Variants in HPSE2 observed in about 807,000 individuals in gnomAD.
HPSE2 encodes the protein heparanase 2 (inactive).
HPSE2 carries 38 observed loss-of-function variants against 60.5 expected under a neutral mutation model. The observed-to-expected ratio is 0.63, with a 90% CI of 0.48 to 0.82. The LOEUF is 0.82. Among genes scored for constraint, HPSE2 ranks in the 40% least tolerant of loss-of-function variants. The pLI is 0.00. For synonymous variants in HPSE2, 295 were observed against 293.2 expected, an observed-to-expected ratio of 1.01 and a Z score of -0.06; for missense variants, 713 against 740.4, an observed-to-expected ratio of 0.96 and a Z score of 0.43.
intron 7 of HPSE2, among the ~76,000 whole-genome samples, chr10:98,626,105 C>CAAAAAAA (rs577298322): frequency 2.7e-5 from 2 of 75,470 alleles, no homozygotes; most frequent in African/African-American, 1.1e-4. Context: ...GACTCCGTCT[C>CAAAAAAA]AAAAAAAAAA....
At chr10:98,896,227 G>A (rs796259800) in intron 3 of HPSE2, among the ~76,000 whole-genome samples, 6 of 151,974 alleles carry the variant, frequency 3.9e-5, no homozygotes, top group South Asian at 4.1e-4. Context: ...TCCAGGTGGC[G>A]AATTGCAAAG....
intron 3 of HPSE2, among the ~76,000 whole-genome samples, chr10:98,773,057 T>G (rs774715052): frequency 6.6e-6 from 1 of 152,160 alleles, no homozygotes; most frequent in Non-Finnish European, 1.5e-5. Flanking sequence ...TTTAAAAGCT[T>G]TCTTCCTATG....
chr10:99,035,098 TTCTC>T (rs1957581065), intron 3 of HPSE2, among the ~76,000 whole-genome samples: 1 of 152,144 alleles, frequency 6.6e-6, no homozygotes, highest in Admixed American at 6.6e-5. Context: ...GTTAAAGTAT[TTCTC>T]TCTTCAATAA....
At chr10:98,924,088 GC>G (rs1564659474) in intron 3 of HPSE2, among the ~76,000 whole-genome samples, 3 of 152,180 alleles carry the variant, frequency 2.0e-5, no homozygotes, top group Non-Finnish European at 2.9e-5. Flanking sequence ...TGGGCCCCAA[GC>G]CCAATAATAC....
At chr10:98,915,437 G>T (rs191793851) in intron 3 of HPSE2, among the ~76,000 whole-genome samples, 1 of 152,004 alleles carries the variant, frequency 6.6e-6, no homozygotes, top group Non-Finnish European at 1.5e-5. Context: ...GTGAGCCACC[G>T]CGCCCAGCCC....
chr10:99,067,965 T>C (rs968656532), intron 3 of HPSE2, among the ~76,000 whole-genome samples: 2 of 152,178 alleles, frequency 1.3e-5, no homozygotes, highest in African/African-American at 4.8e-5. Context: ...AAATCATAAC[T>C]CTTAAGTTCA....
At chr10:98,810,650 T>C (rs1489749157) in intron 3 of HPSE2, among the ~76,000 whole-genome samples, 1 of 152,060 alleles carries the variant, frequency 6.6e-6, no homozygotes, top group African/African-American at 2.4e-5. Flanking sequence ...TTAAATGTAT[T>C]AGACCAGGGG....
intron 3 of HPSE2, among the ~76,000 whole-genome samples, chr10:99,107,430 C>T (rs1844292717): frequency 6.6e-6 from 1 of 152,100 alleles, no homozygotes; most frequent in Non-Finnish European, 1.5e-5. Context: ...CAATTATCTC[C>T]CTATTTCCCA....
rs938583124 is a variant in HPSE2 at position 98,935,772 on chromosome 10, C to T, written c.611-191716G>A. On this transcript the variant is annotated intron_variant, in intron 3 of 11. Transcript: ENST00000370552. ...AGACAGAAGGCATGGGGTCAGGGAC[C>T]CTCCTGAGGAGGCAGTCTGTCCCTT... Among the ~76,000 whole-genome samples, 13 of 144,804 alleles carry T rather than the reference C, an allele frequency of 9.0e-5. 1 individual carries two copies. Among genetic ancestry groups the T allele is most frequent in the Admixed American group, 8.9e-4 (13 of 14,598 alleles). 95.0% of individuals were successfully genotyped at this position (144,804 alleles called of 152,430 possible). A position where few individuals can be genotyped will look rare whatever the true frequency, so the allele number is the denominator to read the frequency against.
intron 6 of HPSE2, among the ~76,000 whole-genome samples, chr10:98,648,501 T>C (rs903656069): frequency 2.0e-5 from 3 of 152,074 alleles, no homozygotes; most frequent in Non-Finnish European, 4.4e-5. Flanking sequence ...AAAACAAGGC[T>C]GGGCACAGTG....
At chr10:99,192,701 A>G (rs1848262619) in intron 2 of HPSE2, among the ~76,000 whole-genome samples, 1 of 152,154 alleles carries the variant, frequency 6.6e-6, no homozygotes, top group South Asian at 2.1e-4. Flanking sequence ...AAGTGCTGGG[A>G]CTGTAGGCAT....
At chr10:99,223,590 C>A (rs1052112553) in intron 2 of HPSE2, among the ~76,000 whole-genome samples, 12 of 152,098 alleles carry the variant, frequency 7.9e-5, no homozygotes, top group African/African-American at 2.9e-4. Context: ...ACACAAAAAC[C>A]AAAACACATA....
At chr10:98,981,857 C>T (rs1219908591) in intron 3 of HPSE2, among the ~76,000 whole-genome samples, 2 of 152,028 alleles carry the variant, frequency 1.3e-5, no homozygotes, top group Non-Finnish European at 2.9e-5. Flanking sequence ...TTTCCCATTT[C>T]CCTAATACCC....
intron 4 of HPSE2, among the ~76,000 whole-genome samples, chr10:98,739,788 A>T (rs1475198483): frequency 3.3e-5 from 5 of 152,198 alleles, no homozygotes; most frequent in African/African-American, 4.8e-5. Flanking sequence ...AAATGGGCAG[A>T]TATATTTGGG....
intron 3 of HPSE2, among the ~76,000 whole-genome samples, chr10:98,992,305 TC>T (rs1188067119): frequency 1.3e-5 from 2 of 152,226 alleles, no homozygotes; most frequent in Non-Finnish European, 2.9e-5. Context: ...TTGTTTTTTT[TC>T]ATAGTAACTG....
At chr10:98,860,227 T>TC (rs1174383043) in intron 3 of HPSE2, among the ~76,000 whole-genome samples, 3 of 152,180 alleles carry the variant, frequency 2.0e-5, no homozygotes, top group African/African-American at 7.2e-5. Context: ...ATTATTACAT[T>TC]CCCAGGTTGG....
intron 6 of HPSE2, among the ~76,000 whole-genome samples, chr10:98,664,329 A>C (rs551570510): frequency 9.9e-5 from 15 of 152,088 alleles, no homozygotes; most frequent in African/African-American, 3.6e-4. Context: ...AGAACACTGA[A>C]TGGGGTGAGA....
intron 2 of HPSE2, among the ~76,000 whole-genome samples, chr10:99,210,049 G>A (rs951991105): frequency 5.3e-5 from 8 of 151,998 alleles, no homozygotes; most frequent in Non-Finnish European, 1.0e-4. Context: ...AGAAAAAAGA[G>A]AAAAAACTAA....
intron 9 of HPSE2, among the ~76,000 whole-genome samples, chr10:98,490,749 G>A (rs1213259333): frequency 6.6e-6 from 1 of 152,110 alleles, no homozygotes; most frequent in Non-Finnish European, 1.5e-5. Flanking sequence ...AAGGCAAACA[G>A]AAAAATGTTT....
Sources: gnomAD v4.1 joint callset for allele counts (sites outside exome capture counted in the v4.1 genomes callset) on GRCh38, gnomAD v4.1.1 for gene constraint, MANE v1.5 for transcripts, NCBI Gene and HGNC (gene_info 2026-07-23, HGNC 2026-07-21) for gene names.